ALG14: variants seen among roughly 807,000 people sequenced by gnomAD.
The protein encoded by ALG14 is ALG14 UDP-N-acetylglucosaminyltransferase subunit.
Under a neutral mutation model 22.8 loss-of-function variants are expected in ALG14, and 17 were observed. The observed-to-expected ratio is 0.75, with a 90% CI of 0.51 to 1.12. The LOEUF is 1.12. Among genes scored for constraint, ALG14 ranks in the 50% most tolerant of loss-of-function variants. The pLI is 0.00. For missense variants in ALG14, 288 were observed against 271.8 expected, an observed-to-expected ratio of 1.06 and a Z score of -0.42; for synonymous variants, 89 against 103.7, an observed-to-expected ratio of 0.86 and a Z score of 0.86.
intron 3 of ALG14, among the ~76,000 whole-genome samples, chr1:95,003,807 CTT>C (rs1306040702): frequency 3.3e-5 from 5 of 152,034 alleles, no homozygotes; most frequent in African/African-American, 1.2e-4. Context: ...AAATATAGCA[CTT>C]TTGTTTTCTT....
intron 2 of ALG14, among the ~76,000 whole-genome samples, chr1:95,042,821 T>C (rs1412742142): frequency 1.3e-5 from 2 of 152,236 alleles, no homozygotes; most frequent in African/African-American, 4.8e-5. Context: ...CCTTCTGTTT[T>C]GGAAATTTCC....
At chr1:95,035,165 G>A (rs1304445491) in intron 2 of ALG14, among the ~76,000 whole-genome samples, 2 of 152,032 alleles carry the variant, frequency 1.3e-5, no homozygotes, top group African/African-American at 4.8e-5. Flanking sequence ...TATGTTCCTA[G>A]AAAGGATGTT....
At chr1:95,005,008 GT>G (rs1372153091) in intron 3 of ALG14, among the ~76,000 whole-genome samples, 4 of 152,120 alleles carry the variant, frequency 2.6e-5, no homozygotes, top group African/African-American at 7.2e-5. Flanking sequence ...GTTTCACCAT[GT>G]TGGCAGGAAC....
At chr1:95,026,909 T>A (rs1197291741) in intron 3 of ALG14, among the ~76,000 whole-genome samples, 7 of 152,128 alleles carry the variant, frequency 4.6e-5, no homozygotes, top group Middle Eastern at 3.2e-3. Flanking sequence ...GGTGCTATAA[T>A]GAGATACGAT....
intron 2 of ALG14, among the ~76,000 whole-genome samples, chr1:95,049,562 T>C (rs1209846641): frequency 6.7e-6 from 1 of 150,280 alleles, no homozygotes; most frequent in Non-Finnish European, 1.5e-5. Flanking sequence ...AAATAAAAAA[T>C]AAGGGCCAGG....
chr1:95,019,935 T>C (rs1673612723), intron 3 of ALG14, among the ~76,000 whole-genome samples: 3 of 152,170 alleles, frequency 2.0e-5, no homozygotes, highest in Admixed American at 6.5e-5. Context: ...CCATGATACA[T>C]GGCCGGGTGT....
At chr1:94,994,980 T>C (rs182469964) in intron 3 of ALG14, among the ~76,000 whole-genome samples, 9 of 152,344 alleles carry the variant, frequency 5.9e-5, no homozygotes, top group Admixed American at 5.9e-4. Context: ...CAGGAAGAAC[T>C]GGCTTGAATT....
intron 2 of ALG14, among the ~76,000 whole-genome samples, chr1:95,050,255 A>G (rs1368008140): frequency 2.6e-5 from 4 of 152,250 alleles, no homozygotes; most frequent in African/African-American, 7.2e-5. Context: ...TCCGAAAAAA[A>G]TTAAATTATA....
intron 3 of ALG14, among the ~76,000 whole-genome samples, chr1:95,000,229 G>C (rs1426568168): frequency 6.6e-6 from 1 of 152,036 alleles, no homozygotes. Context: ...AACAATAAAT[G>C]TGAGGAATCA....
chr1:95,009,412 C>A (rs1673306502), intron 3 of ALG14, among the ~76,000 whole-genome samples: 1 of 152,016 alleles, frequency 6.6e-6, no homozygotes, highest in South Asian at 2.1e-4. Flanking sequence ...GAGAATATAT[C>A]ATTTCCTTGT....
chr1:95,002,285 G>A (rs1010621715), intron 3 of ALG14, among the ~76,000 whole-genome samples: 3 of 152,046 alleles, frequency 2.0e-5, no homozygotes, highest in Non-Finnish European at 4.4e-5. Context: ...TAGCGCAAGC[G>A]GCCCCAGCAG....
At chr1:95,046,509 G>A (rs117348397) in intron 2 of ALG14, among the ~76,000 whole-genome samples, 4 of 152,318 alleles carry the variant, frequency 2.6e-5, no homozygotes, top group East Asian at 1.9e-4. Context: ...TGGAAAAACC[G>A]TCTTCCATGA....
chr1:95,004,657 G>A (rs1308965517), intron 3 of ALG14, among the ~76,000 whole-genome samples: 3 of 147,330 alleles, frequency 2.0e-5, no homozygotes, highest in African/African-American at 8.1e-5. Context: ...CAGCCACCAC[G>A]CCTGGCTAAT....
intron 2 of ALG14, among the ~76,000 whole-genome samples, chr1:95,058,254 C>T (rs7548347): frequency 1.7e-5 from 2 of 120,270 alleles, no homozygotes; most frequent in Non-Finnish European, 3.2e-5. Context: ...CCACTGCACT[C>T]TAGCCTGGCA....
chr1:95,038,145 C>T (rs988685634), intron 2 of ALG14, among the ~76,000 whole-genome samples: 1 of 152,134 alleles, frequency 6.6e-6, no homozygotes, highest in Non-Finnish European at 1.5e-5. Context: ...GAGTTTGAAA[C>T]CTGCTTGGCC....
intron 2 of ALG14, among the ~76,000 whole-genome samples, chr1:95,056,211 T>C (rs891867875): frequency 6.6e-6 from 1 of 152,158 alleles, no homozygotes; most frequent in African/African-American, 2.4e-5. Context: ...AAACTTCACG[T>C]ATCAGTGGTG....
chr1:94,987,370 G>A (rs1333254373), intron 3 of ALG14, among the ~76,000 whole-genome samples: 2 of 152,218 alleles, frequency 1.3e-5, no homozygotes, highest in African/African-American at 4.8e-5. Context: ...CTGACCATGT[G>A]CAGCACCAAC....
At chr1:95,064,746 C>G (rs1469741310) in intron 2 of ALG14, 120 bp downstream of exon 2, 3 of 775,504 alleles carry the variant, frequency 3.9e-6, no homozygotes, top group Non-Finnish European at 5.9e-6. Context: ...ATTTCATCAC[C>G]AGCAAACATT....
At chr1:95,049,470 G>C (rs1473207803) in intron 2 of ALG14, among the ~76,000 whole-genome samples, 1 of 152,120 alleles carries the variant, frequency 6.6e-6, no homozygotes, top group East Asian at 1.9e-4. Context: ...AGGAGCCAGA[G>C]GTTGCAGTGA....
Sources: gnomAD v4.1 joint callset for allele counts (sites outside exome capture counted in the v4.1 genomes callset) on GRCh38, gnomAD v4.1.1 for gene constraint, MANE v1.5 for transcripts, NCBI Gene and HGNC (gene_info 2026-07-23, HGNC 2026-07-21) for gene names.